The following FER variants were observed in gnomAD, a reference collection of about 807,000 sequenced individuals.
FER encodes FER tyrosine kinase.
A neutral mutation model predicts 111.0 loss-of-function variants in FER; 63 were observed. The observed-to-expected ratio is 0.57, with a 90% CI of 0.46 to 0.70. The LOEUF is 0.70. Ranked by LOEUF, FER falls within the 30% of genes least tolerant of loss-of-function variation. The pLI, the probability that FER is intolerant of heterozygous loss-of-function variation, is 0.00. For synonymous variants in FER, 327 were observed against 313.9 expected (o/e 1.04, Z -0.44); for missense variants, 914 against 954.0 (o/e 0.96, Z 0.55).
At chr5:108,900,438 C>T (rs1235877330) in intron 10 of FER, among the ~76,000 whole-genome samples, 1 of 152,126 alleles carries the variant, frequency 6.6e-6, no homozygotes, top group African/African-American at 2.4e-5. Context: ...AATAATGTTA[C>T]AAGAAAAGCC....
At chr5:109,056,543 C>T (rs998526185) in intron 16 of FER, among the ~76,000 whole-genome samples, 6 of 151,604 alleles carry the variant, frequency 4.0e-5, no homozygotes, top group Admixed American at 2.6e-4. Flanking sequence ...GAGAATGAAA[C>T]GGGTCACTAG....
chr5:108,838,236 A>G (rs1001525095), intron 5 of FER, among the ~76,000 whole-genome samples: 11 of 152,156 alleles, frequency 7.2e-5, no homozygotes, highest in African/African-American at 2.7e-4. Context: ...TATAGGCTTT[A>G]TGTCAGAACC....
intron 14 of FER, among the ~76,000 whole-genome samples, chr5:109,043,858 C>T (rs1581772651): frequency 6.6e-6 from 1 of 151,912 alleles, no homozygotes; most frequent in African/African-American, 2.4e-5. Flanking sequence ...GTAGTCCCAG[C>T]TACTCGGGAG....
rs192012997 is a variant in FER at position 108,836,442 on chromosome 5, A to G, written c.481+635A>G. Among the ~76,000 whole-genome samples, 12 of 152,276 alleles carry G rather than the reference A, an allele frequency of 7.9e-5. No homozygotes were observed. In the East Asian group the frequency reaches 1.2e-3, roughly 15 times the overall value. On this transcript the variant is annotated intron_variant, in intron 5 of 19. Transcript: ENST00000281092. ...AACAGAAACTTCTTTGGCTGTTGCTATAATTGGGCAATATTTTCCTTATGT... is the reference window on the plus strand; with the variant it reads ...AACAGAAACTTCTTTGGCTGTTGCTGTAATTGGGCAATATTTTCCTTATGT...
At chr5:108,969,200 T>G (rs911256850) in intron 13 of FER, among the ~76,000 whole-genome samples, 1 of 152,214 alleles carries the variant, frequency 6.6e-6, no homozygotes. Context: ...CCTTTAGTTC[T>G]ATGCATGTAT....
chr5:109,126,870 A>G (rs1480462317), intron 17 of FER, among the ~76,000 whole-genome samples: 1 of 152,232 alleles, frequency 6.6e-6, no homozygotes, highest in African/African-American at 2.4e-5. Flanking sequence ...ATAGGAAGTC[A>G]GGAAAGACTT....
At chr5:108,813,292 C>T (rs1757951830) in intron 3 of FER, among the ~76,000 whole-genome samples, 1 of 151,722 alleles carries the variant, frequency 6.6e-6, no homozygotes, top group African/African-American at 2.4e-5. Context: ...TGTTTTTTTC[C>T]TCTGGCTGCA....
intron 16 of FER, among the ~76,000 whole-genome samples, chr5:109,091,186 C>G (rs1467318124): frequency 6.6e-6 from 1 of 152,208 alleles, no homozygotes; most frequent in African/African-American, 2.4e-5. Context: ...CTGCCACTCC[C>G]ATCATAGGCC....
intron 17 of FER, among the ~76,000 whole-genome samples, chr5:109,157,897 A>C (rs2126723056): frequency 6.6e-6 from 1 of 152,266 alleles, no homozygotes; most frequent in Admixed American, 6.5e-5. Flanking sequence ...TTTGAGACAG[A>C]GTCAGACAAA....
chr5:108,893,177 TAAAG>T (rs1748442481), intron 9 of FER, among the ~76,000 whole-genome samples: 1 of 152,174 alleles, frequency 6.6e-6, no homozygotes, highest in Non-Finnish European at 1.5e-5. Context: ...ATATGAACTT[TAAAG>T]TAGTTTTTTC....
chr5:109,090,465 C>T (rs1171072809), intron 16 of FER, among the ~76,000 whole-genome samples: 1 of 151,976 alleles, frequency 6.6e-6, no homozygotes, highest in Admixed American at 6.6e-5. Flanking sequence ...AAACATGGCC[C>T]AATCAAAGGA....
chr5:109,161,311 G>T (rs1755967763), intron 17 of FER, among the ~76,000 whole-genome samples: 1 of 152,012 alleles, frequency 6.6e-6, no homozygotes, highest in African/African-American at 2.4e-5. Flanking sequence ...TGTTAGATTG[G>T]TAAACTTGTG....
chr5:108,846,368 A>G, intron 5 of FER, among the ~76,000 whole-genome samples: 1 of 151,922 alleles, frequency 6.6e-6, no homozygotes. Context: ...TGAGCCTAGG[A>G]GTACGAAGTT....
chr5:108,787,777 T>A (rs749599870), intron 2 of FER, among the ~76,000 whole-genome samples: 5 of 152,112 alleles, frequency 3.3e-5, no homozygotes, highest in African/African-American at 4.8e-5. Flanking sequence ...CCACTACAGG[T>A]CTCCTCCCTT....
At chr5:109,025,504 C>T (rs1257945810) in intron 13 of FER, among the ~76,000 whole-genome samples, 1 of 151,972 alleles carries the variant, frequency 6.6e-6, no homozygotes, top group Admixed American at 6.6e-5. Context: ...TGCCTATCAG[C>T]TTAAGGAGAT....
At chr5:108,809,172 C>G (rs1162900420) in intron 3 of FER, among the ~76,000 whole-genome samples, 1 of 152,038 alleles carries the variant, frequency 6.6e-6, no homozygotes, top group East Asian at 1.9e-4. Context: ...TTGTATTATT[C>G]CTTCAAATAT....
intron 5 of FER, among the ~76,000 whole-genome samples, chr5:108,845,057 TATATATATATAC>T (rs1761875501): frequency 5.4e-5 from 3 of 55,156 alleles, no homozygotes; most frequent in South Asian, 6.0e-4. Flanking sequence ...TATATATATA[TATATATATATAC>T]ACACACACAC....
intron 17 of FER, among the ~76,000 whole-genome samples, chr5:109,122,602 G>C (rs150811862): frequency 6.6e-6 from 1 of 151,914 alleles, no homozygotes; most frequent in South Asian, 2.1e-4. Flanking sequence ...ATATAGTGCC[G>C]ATTAAGTTCA....
intron 1 of FER, among the ~76,000 whole-genome samples, chr5:108,762,458 A>G (rs1176471694): frequency 6.6e-6 from 1 of 152,160 alleles, no homozygotes; most frequent in Non-Finnish European, 1.5e-5. Context: ...TGATTCCTAA[A>G]AAGTCTCCCC....
Sources: gnomAD v4.1 joint callset for allele counts (sites outside exome capture counted in the v4.1 genomes callset) on GRCh38, gnomAD v4.1.1 for gene constraint, MANE v1.5 for transcripts, NCBI Gene and HGNC (gene_info 2026-07-23, HGNC 2026-07-21) for gene names.